KCNMA1: variants seen among roughly 807,000 people sequenced by gnomAD.
The protein encoded by KCNMA1 is potassium calcium-activated channel subfamily M alpha 1, also known as Calcium-activated potassium channel subunit alpha-1.
A neutral mutation model predicts 140.0 loss-of-function variants in KCNMA1; 29 were observed. The ratio of observed to expected loss-of-function variants is 0.21; its 90% CI spans 0.15 to 0.28. KCNMA1 has a LOEUF of 0.28. KCNMA1 is among the 10% of genes least tolerant of loss of function. KCNMA1 has a pLI of 1.00. For synonymous variants in KCNMA1, 612 were observed against 611.9 expected (o/e 1.00, Z 0.00); for missense variants, 880 against 1,602.2 (o/e 0.55, Z 7.70).
At chr10:77,262,039 A>G (rs1411702523) in intron 2 of KCNMA1, among the ~76,000 whole-genome samples, 4 of 152,206 alleles carry the variant, frequency 2.6e-5, no homozygotes, top group Non-Finnish European at 5.9e-5. Flanking sequence ...TCTTTGCCCT[A>G]CTTCTCAAAC....
At chr10:77,016,810 C>G (rs1203260465) in intron 17 of KCNMA1, among the ~76,000 whole-genome samples, 2 of 152,188 alleles carry the variant, frequency 1.3e-5, no homozygotes, top group Non-Finnish European at 2.9e-5. Context: ...TACTAAAACA[C>G]TGCATCTGAA....
intron 1 of KCNMA1, among the ~76,000 whole-genome samples, chr10:77,526,014 C>G (rs564143858): frequency 6.6e-6 from 1 of 152,270 alleles, no homozygotes; most frequent in African/African-American, 2.4e-5. Context: ...AAGATTTTCT[C>G]TATATATAAA....
At chr10:77,618,200 T>C (rs920097576) in intron 1 of KCNMA1, among the ~76,000 whole-genome samples, 1 of 152,166 alleles carries the variant, frequency 6.6e-6, no homozygotes, top group Non-Finnish European at 1.5e-5. Context: ...CTGTCTGAAG[T>C]GTGTCTTCAC....
At chr10:76,981,423 G>C (rs1460727839) in intron 19 of KCNMA1, among the ~76,000 whole-genome samples, 1 of 152,178 alleles carries the variant, frequency 6.6e-6, no homozygotes, top group Non-Finnish European at 1.5e-5. Flanking sequence ...ACAAATGAAA[G>C]ACAGATGGGG....
chr10:77,594,943 G>C (rs890131379), intron 1 of KCNMA1, among the ~76,000 whole-genome samples: 1 of 152,232 alleles, frequency 6.6e-6, no homozygotes, highest in Non-Finnish European at 1.5e-5. Context: ...GGCTGGAGTT[G>C]AGGGTTGCTT....
At chr10:77,213,310 C>T (rs1259121034) in intron 3 of KCNMA1, among the ~76,000 whole-genome samples, 1 of 152,102 alleles carries the variant, frequency 6.6e-6, no homozygotes, top group Non-Finnish European at 1.5e-5. Context: ...TCATCCTTAT[C>T]CCCCTAATGT....
chr10:77,592,320 C>T (rs1240892335), intron 1 of KCNMA1, among the ~76,000 whole-genome samples: 1 of 152,124 alleles, frequency 6.6e-6, no homozygotes, highest in Non-Finnish European at 1.5e-5. Flanking sequence ...ATGGTGGGTA[C>T]ATGCAATGTG....
intron 2 of KCNMA1, among the ~76,000 whole-genome samples, chr10:77,296,918 G>GGGGGGGGGGGGGA (rs34224383): frequency 2.1e-5 from 3 of 144,716 alleles, no homozygotes; most frequent in Non-Finnish European, 4.6e-5. Flanking sequence ...TGGGCGGGGG[G>GGGGGGGGGGGGGA]GCGGTGGGGG....
At chr10:77,535,192 G>T (rs888693025) in intron 1 of KCNMA1, among the ~76,000 whole-genome samples, 1 of 152,116 alleles carries the variant, frequency 6.6e-6, no homozygotes, top group South Asian at 2.1e-4. Flanking sequence ...CCAGAAGGAC[G>T]CTCTAACATC....
At chr10:77,460,531 GCA>G (rs59284219) in intron 1 of KCNMA1, among the ~76,000 whole-genome samples, 5,140 of 147,092 alleles carry the variant, frequency 0.035, 288 homozygotes, top group African/African-American at 0.11. Context: ...GTACACACGT[GCA>G]CACACACACA....
chr10:77,103,480 A>G (rs1220169359), intron 9 of KCNMA1, among the ~76,000 whole-genome samples: 1 of 152,232 alleles, frequency 6.6e-6, no homozygotes, highest in Non-Finnish European at 1.5e-5. Flanking sequence ...CTAAGGAGTG[A>G]AAGGGAACAG....
intron 1 of KCNMA1, among the ~76,000 whole-genome samples, chr10:77,475,883 A>G (rs1249722189): frequency 6.6e-6 from 1 of 152,340 alleles, no homozygotes; most frequent in South Asian, 2.1e-4. Flanking sequence ...AGGGTCTCAC[A>G]GTGAGGCTCT....
chr10:77,186,604 T>A (rs1486288623), intron 3 of KCNMA1, among the ~76,000 whole-genome samples: 1 of 152,086 alleles, frequency 6.6e-6, no homozygotes, highest in Non-Finnish European at 1.5e-5. Context: ...TCTCAGGCCA[T>A]GGGGGTGCTT....
chr10:77,073,064 G>T, intron 14 of KCNMA1, 33 bp downstream of exon 14: 1 of 1,606,240 alleles, frequency 6.2e-7, no homozygotes, highest in South Asian at 1.1e-5. Context: ...ATGGAATCCC[G>T]AGCTAATGTG....
chr10:77,281,867 C>T (rs7906526), intron 2 of KCNMA1, among the ~76,000 whole-genome samples: 127,566 of 152,176 alleles, frequency 0.84, 53,637 homozygotes, highest in Middle Eastern at 0.9. Flanking sequence ...AATAGGTTCA[C>T]ACAAAGTAGA....
intron 1 of KCNMA1, among the ~76,000 whole-genome samples, chr10:77,592,009 C>T (rs981348429): frequency 1.3e-5 from 2 of 152,122 alleles, no homozygotes; most frequent in East Asian, 1.9e-4. Context: ...CTCATTCGTT[C>T]GCCCAGCAAA....
chr10:77,236,717 T>C (rs1477643141), intron 3 of KCNMA1, among the ~76,000 whole-genome samples: 1 of 152,260 alleles, frequency 6.6e-6, no homozygotes, highest in African/African-American at 2.4e-5. Flanking sequence ...TACATAGATC[T>C]ATATATGTAA....
chr10:77,518,144 A>C (rs1293678544), intron 1 of KCNMA1, among the ~76,000 whole-genome samples: 1 of 152,186 alleles, frequency 6.6e-6, no homozygotes, highest in Non-Finnish European at 1.5e-5. Context: ...CTTCCTTAGA[A>C]AGACCCTCCC....
chr10:77,267,407 C>T (rs527334533), intron 2 of KCNMA1, among the ~76,000 whole-genome samples: 21 of 152,288 alleles, frequency 1.4e-4, no homozygotes, highest in African/African-American at 4.3e-4. Context: ...AAATCCAGGT[C>T]GGACTCCCTG....
Sources: gnomAD v4.1 joint callset for allele counts (sites outside exome capture counted in the v4.1 genomes callset) on GRCh38, gnomAD v4.1.1 for gene constraint, MANE v1.5 for transcripts, NCBI Gene and HGNC (gene_info 2026-07-23, HGNC 2026-07-21) for gene names.